GRAMD1B: variants seen among roughly 807,000 people sequenced by gnomAD.
GRAMD1B encodes the protein GRAM domain containing 1B.
In GRAMD1B, 37 loss-of-function variants were observed where a neutral mutation model predicts 99.7. The ratio of observed to expected loss-of-function variants is 0.37; its 90% CI spans 0.29 to 0.49. GRAMD1B has a LOEUF of 0.49. GRAMD1B is among the 20% of genes least tolerant of loss of function. GRAMD1B has a pLI of 0.98. For missense variants in GRAMD1B, 888 were observed against 1,009.2 expected (o/e 0.88, Z 1.63); for synonymous variants, 427 against 387.6 (o/e 1.10, Z -1.19).
At chr11:123,576,909 G>A (rs1207823193) in intron 2 of GRAMD1B, among the ~76,000 whole-genome samples, 3 of 152,206 alleles carry the variant, frequency 2.0e-5, no homozygotes, top group Non-Finnish European at 4.4e-5. Flanking sequence ...GTGAAAAATA[G>A]GATTGTAATT....
chr11:123,387,336 C>G (rs1947099452), intron 1 of GRAMD1B, among the ~76,000 whole-genome samples: 1 of 152,102 alleles, frequency 6.6e-6, no homozygotes, highest in African/African-American at 2.4e-5. Context: ...GCCACGCACT[C>G]CAGAAAGGCA....
intron 1 of GRAMD1B, among the ~76,000 whole-genome samples, chr11:123,469,727 T>C (rs28374403): frequency 1.3e-4 from 19 of 143,806 alleles, no homozygotes; most frequent in Admixed American, 1.2e-3. Flanking sequence ...TTCTTTCTTT[T>C]TTTCTTTCTT....
intron 2 of GRAMD1B, among the ~76,000 whole-genome samples, chr11:123,556,145 A>G (rs994713191): frequency 6.6e-6 from 1 of 152,196 alleles, no homozygotes; most frequent in Non-Finnish European, 1.5e-5. Flanking sequence ...TATCCCACAC[A>G]CTCAGAAATC....
intron 2 of GRAMD1B, among the ~76,000 whole-genome samples, chr11:123,576,940 TATCTG>T (rs765790043): frequency 6.6e-6 from 1 of 152,226 alleles, no homozygotes; most frequent in Non-Finnish European, 1.5e-5. Context: ...TGAACAAAAA[TATCTG>T]AACAAAATAT....
intron 1 of GRAMD1B, among the ~76,000 whole-genome samples, chr11:123,386,635 G>C (rs1947070038): frequency 6.6e-6 from 1 of 152,030 alleles, no homozygotes; most frequent in African/African-American, 2.4e-5. Context: ...TTTTAGTAGA[G>C]ACAGGGTTTC....
At chr11:123,377,286 TA>T (rs957198466) in intron 1 of GRAMD1B, among the ~76,000 whole-genome samples, 3 of 152,192 alleles carry the variant, frequency 2.0e-5, no homozygotes, top group Non-Finnish European at 4.4e-5. Flanking sequence ...GATAAATGCT[TA>T]AAAACATCAG....
intron 2 of GRAMD1B, among the ~76,000 whole-genome samples, chr11:123,491,144 C>T (rs1360072299): frequency 1.3e-5 from 2 of 152,042 alleles, no homozygotes; most frequent in Non-Finnish European, 1.5e-5. Context: ...ACCAGCGTGG[C>T]CAAAATGATG....
chr11:123,404,387 T>C (rs1947782187), intron 1 of GRAMD1B, among the ~76,000 whole-genome samples: 1 of 152,242 alleles, frequency 6.6e-6, no homozygotes. Context: ...TTGTGGTCGA[T>C]ATGGGAAAGC....
At chr11:123,491,470 T>A (rs1419791494) in intron 2 of GRAMD1B, among the ~76,000 whole-genome samples, 1 of 152,074 alleles carries the variant, frequency 6.6e-6, no homozygotes, top group Non-Finnish European at 1.5e-5. Context: ...GCCCCTCCCC[T>A]TCCCCCAGCA....
intron 1 of GRAMD1B, among the ~76,000 whole-genome samples, chr11:123,404,087 C>G (rs1947769935): frequency 6.6e-6 from 1 of 152,176 alleles, no homozygotes; most frequent in Non-Finnish European, 1.5e-5. Context: ...GACATGTTCT[C>G]TGTCCCTTTT....
At position 123,465,757 on chromosome 11, in the gene GRAMD1B, G is replaced by C. The variant is rs567975500; in HGVS notation, c.375-15059G>C. 4.9e-5 allele frequency among the ~76,000 whole-genome samples: 7 copies of C among 143,870 alleles called. No homozygotes were observed. The East Asian group carries it at 1.1e-3, about 22-fold the overall frequency. 94.4% of individuals were successfully genotyped at this position (143,870 alleles called of 152,430 possible). ...GTACTCCAGCCTGGGCAACAAGAGTGAAACTCCATCTCGAAAGAAAAAAAA... is the reference window on the plus strand; with the variant it reads ...GTACTCCAGCCTGGGCAACAAGAGTCAAACTCCATCTCGAAAGAAAAAAAA... On this transcript the variant is annotated intron_variant, in intron 1 of 19. Transcript: ENST00000635736.
rs143174776 is a variant in GRAMD1B, at chr11:123,361,617, A to G, written c.-176+2818A>G. Reference sequence around the variant, plus strand: ...GCACGGTCATTCTTCAAATGGTAATAAAAGCCTTCATTCCTTGATTTGATC... The same window carrying G: ...GCACGGTCATTCTTCAAATGGTAATGAAAGCCTTCATTCCTTGATTTGATC... On this transcript the variant is annotated intron_variant, in intron 1 of 20. Transcript: ENST00000638157. Among the ~76,000 whole-genome samples the G allele has an allele frequency of 1.2e-4, 19 of 152,322 alleles. No individual in the cohort carries two copies. In the East Asian group the frequency reaches 2.7e-3, roughly 22 times the overall value.
At chr11:123,527,332 A>G (rs535795978) in intron 2 of GRAMD1B, among the ~76,000 whole-genome samples, 1 of 152,192 alleles carries the variant, frequency 6.6e-6, no homozygotes, top group East Asian at 1.9e-4. Context: ...ACCCTGAGAG[A>G]ATGTCTAGTC....
At chr11:123,519,521 A>C (rs1312653850) in intron 2 of GRAMD1B, among the ~76,000 whole-genome samples, 5 of 152,160 alleles carry the variant, frequency 3.3e-5, no homozygotes, top group Non-Finnish European at 7.4e-5. Flanking sequence ...AATGCTCCTT[A>C]AATATAACAC....
chr11:123,566,301 T>A (rs957989064), intron 2 of GRAMD1B, among the ~76,000 whole-genome samples: 2 of 151,972 alleles, frequency 1.3e-5, no homozygotes, highest in Non-Finnish European at 2.9e-5. Context: ...CTAGACAGAG[T>A]GATAAGGCTA....
intron 8 of GRAMD1B, 77 bp from the exon 9 acceptor site, chr11:123,603,349 A>T (rs1215617756): frequency 1.2e-6 from 1 of 862,556 alleles, no homozygotes; most frequent in African/African-American, 1.7e-5. Flanking sequence ...CAGGGGAACC[A>T]GCCCGGCTCA....
Position 123,610,384 on chromosome 11 carries a change from C to G in GRAMD1B, c.1919+46C>G, listed in dbSNP as rs1255775864. ...AGTGCGGTCAGACGGGGGTCCTTAC[C>G]TTAGAGAACATTCATTTGCTCCTGA... On this transcript the variant is annotated intron_variant, in intron 14 of 19. Transcript: ENST00000635736. This position sits in a 1 kb window ranked among gnomAD's most constrained non-coding sequence, Gnocchi z 4.1. The G allele has an allele frequency of 6.3e-7, 1 of 1,590,218 alleles. No individual in the cohort carries two copies. Among genetic ancestry groups the G allele is most frequent in the Non-Finnish European group, 8.6e-7 (1 of 1,159,422 alleles).
At chr11:123,583,718 C>G (rs552624957) in intron 3 of GRAMD1B, among the ~76,000 whole-genome samples, 1 of 151,982 alleles carries the variant, frequency 6.6e-6, no homozygotes, top group Non-Finnish European at 1.5e-5. Flanking sequence ...GGAATGGACC[C>G]TTAGTGATTA....
At chr11:123,503,769 A>G (rs906803559) in intron 2 of GRAMD1B, among the ~76,000 whole-genome samples, 5 of 151,888 alleles carry the variant, frequency 3.3e-5, no homozygotes, top group African/African-American at 9.7e-5. Context: ...CTGGTCTCAA[A>G]CTCCTGACCT....
Sources: allele counts gnomAD v4.1 joint callset (sites outside exome capture counted in the v4.1 genomes callset), GRCh38; gene constraint gnomAD v4.1.1; non-coding constraint Gnocchi (gnomAD v3.1); transcripts MANE v1.5; gene names NCBI Gene and HGNC (gene_info 2026-07-23, HGNC 2026-07-21).